SYNJ2BP: variants seen among roughly 807,000 people sequenced by gnomAD.
SYNJ2BP encodes synaptojanin-2-binding protein.
In SYNJ2BP, 10 loss-of-function variants were observed where a neutral mutation model predicts 16.9. The ratio of observed to expected loss-of-function variants is 0.59; its 90% CI spans 0.36 to 1.00. The LOEUF (loss-of-function observed/expected upper bound fraction) is 1.00, where lower values mean the gene tolerates loss of function less well. Among genes scored for constraint, SYNJ2BP ranks in the 50% least tolerant of loss-of-function variants. The pLI is 0.01. For synonymous variants in SYNJ2BP, 54 were observed against 68.4 expected, an observed-to-expected ratio of 0.79 and a Z score of 1.04; for missense variants, 162 against 186.7, an observed-to-expected ratio of 0.87 and a Z score of 0.77.
At chr14:70,381,929 A>G (rs1251536794) in intron 2 of SYNJ2BP, among the ~76,000 whole-genome samples, 2 of 152,242 alleles carry the variant, frequency 1.3e-5, no homozygotes, top group Non-Finnish European at 2.9e-5. Flanking sequence ...TGTGAAATCA[A>G]TCCAGTGGGT....
At chr14:70,381,779 A>C (rs1887755651) in intron 2 of SYNJ2BP, among the ~76,000 whole-genome samples, 1 of 152,198 alleles carries the variant, frequency 6.6e-6, no homozygotes, top group African/African-American at 2.4e-5. Context: ...TTCTTACCTA[A>C]TCTGCCTGAA....
At chr14:70,393,913 T>C (rs1888032375) in intron 1 of SYNJ2BP, among the ~76,000 whole-genome samples, 1 of 144,910 alleles carries the variant, frequency 6.9e-6, no homozygotes, top group Non-Finnish European at 1.5e-5. Context: ...GGCACATGTA[T>C]ACCTATGTAA....
intron 1 of SYNJ2BP, among the ~76,000 whole-genome samples, chr14:70,406,790 A>G (rs1215094954): frequency 1.3e-5 from 2 of 152,220 alleles, no homozygotes; most frequent in East Asian, 3.9e-4. Context: ...AGTGATCCCC[A>G]CTTTCCAACC....
At chr14:70,395,257 A>G (rs759997480) in intron 1 of SYNJ2BP, among the ~76,000 whole-genome samples, 46 of 152,370 alleles carry the variant, frequency 3.0e-4, no homozygotes, top group Non-Finnish European at 3.2e-4. Context: ...ACAAAATCTA[A>G]AAGTTATAAA....
intron 1 of SYNJ2BP, among the ~76,000 whole-genome samples, chr14:70,402,192 G>A (rs1160050888): frequency 6.6e-6 from 1 of 152,194 alleles, no homozygotes; most frequent in African/African-American, 2.4e-5. Context: ...GCTTTTGAGA[G>A]TACCAGAGAT....
chr14:70,410,227 C>T (rs1888441779), intron 1 of SYNJ2BP, among the ~76,000 whole-genome samples: 2 of 152,026 alleles, frequency 1.3e-5, no homozygotes, highest in African/African-American at 2.4e-5. Context: ...CCAGCCTGGG[C>T]AACATGGTGA....
chr14:70,395,697 C>T (rs72735703), intron 1 of SYNJ2BP, among the ~76,000 whole-genome samples: 4,765 of 152,206 alleles, frequency 0.031, 106 homozygotes, highest in Middle Eastern at 0.075. Context: ...GCATTAAGTA[C>T]CTTCACAATG....
At chr14:70,384,969 T>G (rs997167520) in intron 2 of SYNJ2BP, among the ~76,000 whole-genome samples, 1 of 152,136 alleles carries the variant, frequency 6.6e-6, no homozygotes, top group African/African-American at 2.4e-5. Context: ...TTCCCCTGGC[T>G]TTTCCCCTCT....
chr14:70,389,111 A>G (rs1009786124), intron 1 of SYNJ2BP, among the ~76,000 whole-genome samples: 3 of 151,974 alleles, frequency 2.0e-5, no homozygotes, highest in African/African-American at 4.8e-5. Context: ...CCCAGCCTAG[A>G]TGTAAGTTCT....
At chr14:70,389,082 A>G (rs1287669684) in intron 1 of SYNJ2BP, among the ~76,000 whole-genome samples, 2 of 152,130 alleles carry the variant, frequency 1.3e-5, no homozygotes, top group African/African-American at 4.8e-5. Context: ...TTCTAGGATT[A>G]CAGGTGTGAG....
Position 70,372,402 on chromosome 14 carries a change from T to G in SYNJ2BP, c.*589A>C, listed in dbSNP as rs1376454770. 6.5e-6 allele frequency: 1 copy of G among 152,848 alleles called. No individual in the cohort carries two copies. The highest frequency in any genetic ancestry group is 2.4e-5 in the African/African-American group (1 of 41,462). The allele number at this position is 152,848 out of a possible 1,614,324, so 9.5% of individuals were successfully genotyped here. A position where few individuals can be genotyped will look rare whatever the true frequency, so the allele number is the denominator to read the frequency against. ...AAGATCATCCCTTTTATCAGAAACCTAGACACCACAAAGTAGCTTTCTCAC... is the reference window on the plus strand; with the variant it reads ...AAGATCATCCCTTTTATCAGAAACCGAGACACCACAAAGTAGCTTTCTCAC... On this transcript the variant is annotated 3_prime_UTR_variant, in exon 4 of 4. Transcript: ENST00000256366.
At chr14:70,410,874 G>C (rs1888457833) in intron 1 of SYNJ2BP, among the ~76,000 whole-genome samples, 1 of 152,076 alleles carries the variant, frequency 6.6e-6, no homozygotes, top group Non-Finnish European at 1.5e-5. Flanking sequence ...GAGGTTGAGA[G>C]GAAAGAATCA....
At chr14:70,415,383 T>G (rs886358897) in intron 1 of SYNJ2BP, among the ~76,000 whole-genome samples, 3 of 151,564 alleles carry the variant, frequency 2.0e-5, no homozygotes, top group Admixed American at 6.6e-5. Context: ...ACATCGTCTC[T>G]ACCAAAAATA....
rs140455479 is a variant in SYNJ2BP at position 70,405,179 on chromosome 14, C to T, written c.64+11721G>A. Among the ~76,000 whole-genome samples, 1,496 of 152,062 alleles carry T rather than the reference C, an allele frequency of 9.8e-3. 30 individuals are homozygous for T. Among genetic ancestry groups the T allele is most frequent in the African/African-American group, 0.035 (1,445 of 41,464 alleles). On this transcript the variant is annotated intron_variant, in intron 1 of 3. Transcript: ENST00000256366. ...ATAGGAAAGAAGGAAATGTAAATTT[C>T]TGTCTTAAGGTAGAATGCCAATATC...
chr14:70,384,824 C>T, intron 2 of SYNJ2BP, among the ~76,000 whole-genome samples: 1 of 152,164 alleles, frequency 6.6e-6, no homozygotes, highest in East Asian at 1.9e-4. Context: ...TTCCTGGGGC[C>T]TCCCCAGCCA....
At chr14:70,385,466 C>T (rs991849281) in intron 2 of SYNJ2BP, among the ~76,000 whole-genome samples, 7 of 152,162 alleles carry the variant, frequency 4.6e-5, no homozygotes, top group African/African-American at 1.7e-4. Context: ...AAGCGATTCT[C>T]GTGCCTCAGC....
chr14:70,384,014 G>A (rs753876852), intron 2 of SYNJ2BP, among the ~76,000 whole-genome samples: 4 of 151,050 alleles, frequency 2.6e-5, no homozygotes, highest in Admixed American at 6.6e-5. Flanking sequence ...CTGGAGTGCA[G>A]TGGCGCGATC....
rs1234537815 is a variant in SYNJ2BP, at chr14:70,369,481, T to C, written c.*3510A>G. On this transcript the variant is annotated 3_prime_UTR_variant, in exon 4 of 4. Coordinates refer to ENST00000256366, the MANE Select transcript of SYNJ2BP (RefSeq NM_018373.3). ...TTGAGAACCACTTCCAGTGAGAGAA[T>C]ATCATTGATGCTGGCATCTGAAGTC... The C allele has an allele frequency of 6.6e-6, 1 of 152,246 alleles. No individual in the cohort carries two copies. The highest frequency in any genetic ancestry group is 1.5e-5 in the Non-Finnish European group (1 of 68,040). 9.4% of individuals were successfully genotyped at this position (152,246 alleles called of 1,614,324 possible). A position where few individuals can be genotyped will look rare whatever the true frequency, so the allele number is the denominator to read the frequency against.
chr14:70,386,451 G>A (rs934758810), intron 2 of SYNJ2BP, among the ~76,000 whole-genome samples: 1 of 152,182 alleles, frequency 6.6e-6, no homozygotes, highest in Non-Finnish European at 1.5e-5. Flanking sequence ...TTATATTATG[G>A]ATCAGCGAGG....
Sources: allele counts gnomAD v4.1 joint callset (sites outside exome capture counted in the v4.1 genomes callset), GRCh38; gene constraint gnomAD v4.1.1; transcripts MANE v1.5; gene names NCBI Gene and HGNC (gene_info 2026-07-23, HGNC 2026-07-21).